ATXN2: variants seen among roughly 807,000 people sequenced by gnomAD.
ATXN2 encodes ataxin 2.
Under a neutral mutation model 138.6 loss-of-function variants are expected in ATXN2, and 37 were observed. The ratio of observed to expected loss-of-function variants is 0.27; its 90% CI spans 0.21 to 0.35. ATXN2 has a LOEUF of 0.35. Among genes scored for constraint, ATXN2 ranks in the 10% least tolerant of loss-of-function variants. ATXN2 has a pLI of 1.00. For missense variants in ATXN2, 1,216 were observed against 1,480.3 expected (o/e 0.82, Z 2.93); for synonymous variants, 549 against 543.7 (o/e 1.01, Z -0.13).
intron 14 of ATXN2, among the ~76,000 whole-genome samples, chr12:111,503,590 T>C (rs1200029142): frequency 1.3e-5 from 2 of 151,226 alleles, no homozygotes; most frequent in African/African-American, 2.4e-5. Context: ...GGACACATAT[T>C]TTTTTTTTCC....
intron 14 of ATXN2, among the ~76,000 whole-genome samples, chr12:111,498,112 C>T (rs758037630): frequency 5.3e-5 from 8 of 151,992 alleles, no homozygotes; most frequent in Non-Finnish European, 8.8e-5. Context: ...TAACTAGTAC[C>T]ATACTGAAAA....
At chr12:111,523,852 C>T (rs1555235735) in intron 6 of ATXN2, among the ~76,000 whole-genome samples, 1 of 151,286 alleles carries the variant, frequency 6.6e-6, no homozygotes, top group Non-Finnish European at 1.5e-5. Context: ...TACCTGAGCT[C>T]AGGAGTTCCA....
intron 2 of ATXN2, 72 bp downstream of exon 2, chr12:111,555,811 C>G: frequency 7.8e-7 from 1 of 1,275,502 alleles, no homozygotes; most frequent in African/African-American, 1.5e-5. Flanking sequence ...TTTGCCTTGG[C>G]ATTTGGTCTG....
intron 2 of ATXN2, among the ~76,000 whole-genome samples, chr12:111,555,152 C>A (rs545444224): frequency 6.6e-5 from 10 of 151,942 alleles, no homozygotes; most frequent in Non-Finnish European, 1.5e-4. Context: ...ATGAAAGCAG[C>A]AGAAAAAAAG....
At chr12:111,479,415 AAGAG>A (rs1223908590) in intron 18 of ATXN2, among the ~76,000 whole-genome samples, 3 of 145,738 alleles carry the variant, frequency 2.1e-5, no homozygotes, top group South Asian at 2.1e-4. Context: ...AAAAAAAAAA[AAGAG>A]AGAGAGACAA....
chr12:111,513,649 C>A, intron 10 of ATXN2, 110 bp from the exon 11 acceptor site: 1 of 858,350 alleles, frequency 1.2e-6, no homozygotes, highest in Non-Finnish European at 1.6e-6. Flanking sequence ...ACTCACTCTA[C>A]AGTTTTTCCT....
chr12:111,488,008 T>C (rs1393509727), intron 15 of ATXN2, among the ~76,000 whole-genome samples: 1 of 152,194 alleles, frequency 6.6e-6, no homozygotes, highest in African/African-American at 2.4e-5. Context: ...ATGTGCAGAA[T>C]TAAGTCTATC....
Position 111,452,645 on chromosome 12 carries a change from A to T in ATXN2, c.*167T>A. 1.3e-6 allele frequency: 1 copy of T among 791,208 alleles called. No individual in the cohort carries two copies. The highest frequency in any genetic ancestry group is 2.1e-6 in the Non-Finnish European group (1 of 478,326). 49.0% of individuals were successfully genotyped at this position (791,208 alleles called of 1,614,324 possible). A position where few individuals can be genotyped will look rare whatever the true frequency, so the allele number is the denominator to read the frequency against. ...CTAAATGCCTCTACTCGGTCCAAGT[A>T]TCTTCCACTGCAAGTGAACTGTTAG... On this transcript the variant is annotated 3_prime_UTR_variant, in exon 25 of 25. Coordinates refer to ENST00000673436, the MANE Select transcript of ATXN2 (RefSeq NM_001372574.1).
chr12:111,598,822 G>A lies in ATXN2; in HGVS notation c.213C>T (p.Val71=), dbSNP rs1002693168. The part of the protein sequence containing the change: ...SSSATAPSSV[V]AATSGGGRPG... ...GCCTCCCGCCGCCGGAGGTCGCCGC[G>A]ACCACCGAGGAGGGAGCCGTGGCCG... The change falls in exon 1 of 25, where the codon GTC becomes GTT. Residue 71 remains valine, a synonymous_variant. Coordinates refer to ENST00000673436, the MANE Select transcript of ATXN2 (RefSeq NM_001372574.1). This position sits in a 1 kb window ranked among gnomAD's most constrained non-coding sequence, Gnocchi z 4.5. 1.1e-5 allele frequency: 15 copies of A among 1,418,928 alleles called. No homozygotes were observed. Among genetic ancestry groups the A allele is most frequent in the African/African-American group, 3.1e-5 (2 of 65,350 alleles). 87.9% of individuals were successfully genotyped at this position (1,418,928 alleles called of 1,614,324 possible).
intron 5 of ATXN2, among the ~76,000 whole-genome samples, chr12:111,542,860 C>A (rs879675999): frequency 1.3e-5 from 2 of 152,046 alleles, no homozygotes; most frequent in Admixed American, 1.3e-4. Flanking sequence ...AAATAAAATT[C>A]TATTTTATGC....
In ATXN2 at chr12:111,510,432, G is replaced by T; in HGVS notation, c.1709C>A (p.Thr570Lys). Residue 570 changes from threonine to lysine, a missense_variant, in exon 12 of 25, where the codon ACG becomes AAG. Transcript: ENST00000673436. Reference protein sequence around the residue: ...VAMPIPAASPTPASPASNRAV... With the variant: ...VAMPIPAASPKPASPASNRAV... ...TCTGTTCGATGCAGGACTAGCAGGC[G>T]TAGGAGATGCAGCTGGAATAGGCAT... 1 of 1,614,122 alleles carries T rather than the reference G, an allele frequency of 6.2e-7. No homozygotes were observed. Among genetic ancestry groups the T allele is most frequent in the East Asian group, 2.2e-5 (1 of 44,866 alleles).
chr12:111,593,187 G>C (rs1426974399), intron 1 of ATXN2, among the ~76,000 whole-genome samples: 1 of 151,724 alleles, frequency 6.6e-6, no homozygotes, highest in Non-Finnish European at 1.5e-5. Flanking sequence ...TGCAACCTCC[G>C]GGATCAAGCA....
chr12:111,529,031 G>A (rs1880660024), intron 5 of ATXN2, among the ~76,000 whole-genome samples: 1 of 151,686 alleles, frequency 6.6e-6, no homozygotes, highest in South Asian at 2.1e-4. Flanking sequence ...GTGTAGTGCC[G>A]CAATCACTGC....
At chr12:111,581,288 G>A (rs1883990783) in intron 1 of ATXN2, 3 of 483,712 alleles carry the variant, frequency 6.2e-6, no homozygotes, top group South Asian at 4.8e-5. Context: ...AAAACCACCA[G>A]AGCCAGAGAA....
intron 21 of ATXN2, among the ~76,000 whole-genome samples, chr12:111,459,936 C>CA (rs1253272703): frequency 6.6e-5 from 10 of 151,730 alleles, no homozygotes; most frequent in African/African-American, 9.7e-5. Flanking sequence ...AGGCTGGTCT[C>CA]AAACTCCTGG....
At chr12:111,528,685 T>C (rs1880640827) in intron 5 of ATXN2, among the ~76,000 whole-genome samples, 1 of 152,198 alleles carries the variant, frequency 6.6e-6, no homozygotes, top group Non-Finnish European at 1.5e-5. Context: ...TCCTTGGTTT[T>C]AAAATTTCAC....
At position 111,453,225 on chromosome 12, in the gene ATXN2, G is replaced by A; in HGVS notation, c.3440-385C>T. The A allele has an allele frequency of 9.3e-7, 1 of 1,078,176 alleles. No homozygotes were observed. Among genetic ancestry groups the A allele is most frequent in the South Asian group, 3.8e-5 (1 of 26,658 alleles). 66.8% of individuals were successfully genotyped at this position (1,078,176 alleles called of 1,614,324 possible). On this transcript the variant is annotated intron_variant, in intron 24 of 24. Transcript: ENST00000673436. The surrounding 1 kb of genome is among the most constrained non-coding windows in gnomAD (Gnocchi z 5.4). ...ATCACAGGGCGCTCTCCCCTGTTCA[G>A]GGGCTGGGGCTAACGCTACACTCAA...
intron 1 of ATXN2, among the ~76,000 whole-genome samples, chr12:111,589,474 T>C (rs1592935369): frequency 6.6e-6 from 1 of 151,760 alleles, no homozygotes. Context: ...CCCTACAAAA[T>C]AAAAACAAAC....
chr12:111,485,907 A>G, intron 16 of ATXN2, 42 bp from the exon 17 acceptor site: 1 of 1,584,136 alleles, frequency 6.3e-7, no homozygotes, highest in Admixed American at 1.7e-5. Flanking sequence ...AAGGTAACAG[A>G]TGAACTATTA....
Sources: gnomAD v4.1 joint callset for allele counts (sites outside exome capture counted in the v4.1 genomes callset) on GRCh38, gnomAD v4.1.1 for gene constraint, Gnocchi (gnomAD v3.1) non-coding constraint, MANE v1.5 for transcripts, NCBI Gene and HGNC (gene_info 2026-07-23, HGNC 2026-07-21) for gene names.